The following RBFOX1 variants were observed in gnomAD, a reference collection of about 807,000 sequenced individuals.
RBFOX1 encodes the protein RNA binding fox-1 homolog 1, also known as RNA binding protein fox-1 homolog 1.
In RBFOX1, 8 loss-of-function variants were observed where a neutral mutation model predicts 57.7. That is an observed-to-expected ratio of 0.14 (90% confidence interval 0.08 to 0.25). The LOEUF (loss-of-function observed/expected upper bound fraction) is 0.25, where lower values mean the gene tolerates loss of function less well. RBFOX1 is among the 10% of genes least tolerant of loss of function. The probability of loss-of-function intolerance (pLI) is 1.00; values close to 1 mark genes in which losing one functional copy is unlikely to be tolerated. For missense variants in RBFOX1, 611 were observed against 548.5 expected, an observed-to-expected ratio of 1.11 and a Z score of -1.14; for synonymous variants, 326 against 222.4, an observed-to-expected ratio of 1.47 and a Z score of -4.15.
downstream of RBFOX1, chr16:5,601,765 C>G (rs2047372390): frequency 1.3e-5 from 2 of 152,200 alleles, no homozygotes; most frequent in East Asian, 3.9e-4. Flanking sequence ...ATTGGTGGCA[C>G]AGAAGCTTTT....
At chr16:6,894,558 CAAG>C (rs201529845) in intron 3 of RBFOX1, among the ~76,000 whole-genome samples, 1,903 of 152,296 alleles carry the variant, frequency 0.012, 22 homozygotes, top group Non-Finnish European at 0.02. Flanking sequence ...ACCCCCAAAA[CAAG>C]AAGTATTTCT....
intron 2 of RBFOX1, among the ~76,000 whole-genome samples, chr16:5,519,988 G>C (rs924981224): frequency 6.6e-6 from 1 of 152,230 alleles, no homozygotes; most frequent in African/African-American, 2.4e-5. Context: ...GGAGATTCCA[G>C]TCTATTGGAA....
intron 1 of RBFOX1, among the ~76,000 whole-genome samples, chr16:5,386,477 T>C (rs1240699569): frequency 6.6e-6 from 1 of 152,122 alleles, no homozygotes; most frequent in Non-Finnish European, 1.5e-5. Flanking sequence ...GTCAGCTTCA[T>C]ATTCCCGATA....
At chr16:6,511,984 G>A (rs1273749489) in intron 2 of RBFOX1, among the ~76,000 whole-genome samples, 1 of 152,014 alleles carries the variant, frequency 6.6e-6, no homozygotes, top group Non-Finnish European at 1.5e-5. Context: ...AGGGATAAGA[G>A]AACAAGCAGG....
At chr16:5,787,568 C>A (rs1256457703) in intron 3 of RBFOX1, among the ~76,000 whole-genome samples, 4 of 152,068 alleles carry the variant, frequency 2.6e-5, no homozygotes, top group African/African-American at 9.7e-5. Flanking sequence ...ACCCCACAGA[C>A]AAAACACATA....
intron 2 of RBFOX1, chr16:6,483,200 G>A: frequency 8.4e-7 from 1 of 1,189,418 alleles, no homozygotes; most frequent in Non-Finnish European, 1.0e-6. Context: ...GACAGAGGCC[G>A]AGGCCGGCCG....
chr16:7,138,479 G>T (rs1036324456), intron 4 of RBFOX1, among the ~76,000 whole-genome samples: 1 of 152,188 alleles, frequency 6.6e-6, no homozygotes, highest in Non-Finnish European at 1.5e-5. Flanking sequence ...GGACAAAGAA[G>T]AGAATGAGCA....
intron 4 of RBFOX1, among the ~76,000 whole-genome samples, chr16:7,218,760 A>C (rs1192784427): frequency 6.7e-6 from 1 of 150,128 alleles, no homozygotes; most frequent in Non-Finnish European, 1.5e-5. Flanking sequence ...TTTTCAGCAG[A>C]GATTGCCTTT....
intron 4 of RBFOX1, among the ~76,000 whole-genome samples, chr16:7,149,288 G>T (rs553987377): frequency 6.6e-6 from 1 of 152,150 alleles, no homozygotes; most frequent in South Asian, 2.1e-4. Context: ...TTGTTAAGGA[G>T]TTGGCAGTAG....
chr16:7,112,132 A>G (rs2064905898), intron 4 of RBFOX1, among the ~76,000 whole-genome samples: 1 of 152,220 alleles, frequency 6.6e-6, no homozygotes, highest in South Asian at 2.1e-4. Context: ...GTGTTGAAAT[A>G]TTAAAGTTCC....
intron 4 of RBFOX1, among the ~76,000 whole-genome samples, chr16:7,058,070 A>G (rs901104742): frequency 9.2e-5 from 14 of 151,702 alleles, no homozygotes; most frequent in African/African-American, 3.1e-4. Context: ...CAAAATGTGG[A>G]TATCAGCTGA....
intron 2 of RBFOX1, among the ~76,000 whole-genome samples, chr16:6,473,419 G>A (rs564646744): frequency 6.6e-6 from 1 of 152,156 alleles, no homozygotes; most frequent in East Asian, 1.9e-4. Context: ...TATCTCCACT[G>A]ACTCACCCCC....
intron 2 of RBFOX1, among the ~76,000 whole-genome samples, chr16:6,620,731 C>G (rs902743955): frequency 6.6e-6 from 1 of 152,136 alleles, no homozygotes; most frequent in Admixed American, 6.6e-5. Flanking sequence ...ACCCTCTCTG[C>G]ACATAAACTA....
chr16:7,027,040 C>T (rs902682469), intron 3 of RBFOX1, among the ~76,000 whole-genome samples: 2 of 152,108 alleles, frequency 1.3e-5, no homozygotes, highest in African/African-American at 4.8e-5. Context: ...CTCCATTCTC[C>T]CTGAACAATA....
At chr16:7,705,973 G>A (rs1305877257) in intron 14 of RBFOX1, among the ~76,000 whole-genome samples, 1 of 152,170 alleles carries the variant, frequency 6.6e-6, no homozygotes, top group Non-Finnish European at 1.5e-5. Flanking sequence ...CATATAGCTG[G>A]TCGTGTCCTA....
intron 1 of RBFOX1, among the ~76,000 whole-genome samples, chr16:5,351,757 C>T (rs1200370154): frequency 6.6e-6 from 1 of 152,158 alleles, no homozygotes; most frequent in Non-Finnish European, 1.5e-5. Flanking sequence ...CCCTGGTTAT[C>T]TGTCTCGGAT....
At chr16:7,281,026 A>G (rs2095533758) in intron 4 of RBFOX1, among the ~76,000 whole-genome samples, 1 of 117,334 alleles carries the variant, frequency 8.5e-6, no homozygotes, top group Non-Finnish European at 1.6e-5. Context: ...CTTCCGAGAC[A>G]GAGTGAGTCT....
At chr16:6,837,310 C>G (rs1006185775) in intron 3 of RBFOX1, among the ~76,000 whole-genome samples, 2 of 152,212 alleles carry the variant, frequency 1.3e-5, no homozygotes, top group South Asian at 2.1e-4. Context: ...CAGGCTGCTT[C>G]CATTTTGTAG....
At chr16:6,571,715 ATATT>A (rs2097347280) in intron 2 of RBFOX1, among the ~76,000 whole-genome samples, 1 of 152,158 alleles carries the variant, frequency 6.6e-6, no homozygotes, top group Non-Finnish European at 1.5e-5. Flanking sequence ...CAGTCAGGAA[ATATT>A]TATTACACAG....
Sources: allele counts gnomAD v4.1 joint callset (sites outside exome capture counted in the v4.1 genomes callset), GRCh38; gene constraint gnomAD v4.1.1; transcripts MANE v1.5; gene names NCBI Gene and HGNC (gene_info 2026-07-23, HGNC 2026-07-21).